BSPH1: variants seen among roughly 807,000 people sequenced by gnomAD.
BSPH1 encodes binder of sperm 1.
BSPH1 carries 21 observed loss-of-function variants against 22.5 expected under a neutral mutation model. That is an observed-to-expected ratio of 0.93 (90% CI 0.66 to 1.35). The LOEUF (loss-of-function observed/expected upper bound fraction) is 1.35, where lower values mean the gene tolerates loss of function less well. Ranked by LOEUF, BSPH1 falls within the 40% of genes most tolerant of loss-of-function variation. The probability of loss-of-function intolerance (pLI) is 0.00; values close to 1 mark genes in which losing one functional copy is unlikely to be tolerated. For missense variants in BSPH1, 141 were observed against 154.2 expected (o/e 0.91, Z 0.45); for synonymous variants, 42 against 53.6 (o/e 0.78, Z 0.95).
At chr19:47,988,775 G>A (rs576282134) in intron 1 of BSPH1, among the ~76,000 whole-genome samples, 5 of 152,030 alleles carry the variant, frequency 3.3e-5, no homozygotes, top group Admixed American at 2.0e-4. Context: ...AGTTCTCCCC[G>A]CAAGGGACCC....
intron 5 of BSPH1, among the ~76,000 whole-genome samples, chr19:47,975,649 A>ATTTTTTTTT (rs199878812): frequency 2.4e-5 from 3 of 124,924 alleles, no homozygotes; most frequent in Non-Finnish European, 5.1e-5. Context: ...AAGGTAATGC[A>ATTTTTTTTT]TTTTTTTTTT....
At chr19:47,986,562 G>A (rs916055205) in intron 1 of BSPH1, among the ~76,000 whole-genome samples, 3 of 151,890 alleles carry the variant, frequency 2.0e-5, no homozygotes, top group African/African-American at 4.8e-5. Context: ...AACATAGCAA[G>A]ACCCCATCTC....
At chr19:47,980,535 C>G (rs1432336553) in intron 2 of BSPH1, 2 of 153,002 alleles carry the variant, frequency 1.3e-5, no homozygotes, top group Non-Finnish European at 2.4e-5. Context: ...GTGGCGTGAT[C>G]TCGGCTCACT....
intron 1 of BSPH1, among the ~76,000 whole-genome samples, chr19:47,982,089 T>G (rs1156909023): frequency 6.6e-6 from 1 of 152,152 alleles, no homozygotes; most frequent in East Asian, 1.9e-4. Context: ...TAGCCCGTAA[T>G]AGATGATGCT....
At chr19:47,980,062 A>G (rs1170004073) in intron 2 of BSPH1, among the ~76,000 whole-genome samples, 1 of 152,172 alleles carries the variant, frequency 6.6e-6, no homozygotes, top group Admixed American at 6.5e-5. Flanking sequence ...GTTATTTTAT[A>G]TAGAGTTTGT....
chr19:47,972,655 G>A (rs1969320620), intron 5 of BSPH1, among the ~76,000 whole-genome samples: 1 of 152,018 alleles, frequency 6.6e-6, no homozygotes, highest in African/African-American at 2.4e-5. Context: ...AATAGAAATT[G>A]GAAATAGAAA....
intron 5 of BSPH1, among the ~76,000 whole-genome samples, chr19:47,970,221 G>C (rs948166859): frequency 4.6e-5 from 7 of 152,030 alleles, no homozygotes; most frequent in Non-Finnish European, 1.0e-4. Context: ...AACACACCCA[G>C]CTAATTTTCG....
rs921182958 is a variant in BSPH1 at position 47,990,172 on chromosome 19, C to T, written c.73+1837G>A. ...AATAAGTCCAGGAGGCAGATGCTTG[C>T]AAGGGAGAGAGAGGGAGATAGTGAA... On this transcript the variant is annotated intron_variant, in intron 1 of 5. Coordinates refer to ENST00000344839, the MANE Select transcript of BSPH1 (RefSeq NM_001128326.2). Among the ~76,000 whole-genome samples, 3 of 148,392 alleles carry T rather than the reference C, an allele frequency of 2.0e-5. No individual in the cohort carries two copies. The South Asian group carries it at 6.5e-4, about 32-fold the overall frequency.
intron 5 of BSPH1, 113 bp downstream of exon 5, chr19:47,976,588 AAAAAAAAAC>A (rs1969365468): frequency 3.0e-6 from 2 of 659,766 alleles, no homozygotes; most frequent in South Asian, 2.3e-5. Flanking sequence ...CCCAGAAAAA[AAAAAAAAAC>A]AAAAAAAAAC....
At chr19:47,986,289 A>G (rs551275614) in intron 1 of BSPH1, among the ~76,000 whole-genome samples, 1 of 152,352 alleles carries the variant, frequency 6.6e-6, no homozygotes, top group South Asian at 2.1e-4. Context: ...TTACGAATCT[A>G]GAGAATGTCA....
intron 5 of BSPH1, among the ~76,000 whole-genome samples, chr19:47,974,134 C>G (rs1277897684): frequency 2.6e-5 from 4 of 152,090 alleles, no homozygotes; most frequent in African/African-American, 7.2e-5. Context: ...GCTCTGAGCT[C>G]CTTTCCCTTT....
chr19:47,971,783 A>G (rs1969313059), intron 5 of BSPH1, among the ~76,000 whole-genome samples: 1 of 152,204 alleles, frequency 6.6e-6, no homozygotes, highest in African/African-American at 2.4e-5. Flanking sequence ...CATAGCATCC[A>G]TTCATACTAA....
chr19:47,970,145 G>A (rs1362064612), intron 5 of BSPH1, among the ~76,000 whole-genome samples: 4 of 151,984 alleles, frequency 2.6e-5, no homozygotes, highest in African/African-American at 9.7e-5. Flanking sequence ...TGCAACCTCC[G>A]CCTCCTGGGT....
chr19:47,975,370 G>C (rs1224516970), intron 5 of BSPH1, among the ~76,000 whole-genome samples: 1 of 152,026 alleles, frequency 6.6e-6, no homozygotes, highest in Non-Finnish European at 1.5e-5. Context: ...TCTGCTTACC[G>C]AACGATGCTC....
At chr19:47,970,791 G>T (rs1422816661) in intron 5 of BSPH1, among the ~76,000 whole-genome samples, 1 of 152,092 alleles carries the variant, frequency 6.6e-6, no homozygotes, top group African/African-American at 2.4e-5. Flanking sequence ...GGATACAAGC[G>T]GTCATTTTAA....
At chr19:47,978,380 A>C (rs546411278) in intron 3 of BSPH1, among the ~76,000 whole-genome samples, 62 of 152,264 alleles carry the variant, frequency 4.1e-4, no homozygotes, top group Non-Finnish European at 7.6e-4. Context: ...CTGGGATTAC[A>C]GTCATGAGCC....
intron 1 of BSPH1, among the ~76,000 whole-genome samples, chr19:47,989,782 C>G (rs1302681684): frequency 6.6e-6 from 1 of 152,112 alleles, no homozygotes; most frequent in African/African-American, 2.4e-5. Context: ...CGACCAGCAT[C>G]AAAAACTTGC....
chr19:47,969,976 T>C (rs1002657872), intron 5 of BSPH1, among the ~76,000 whole-genome samples: 1 of 110,120 alleles, frequency 9.1e-6, no homozygotes, highest in African/African-American at 2.9e-5. Context: ...GAATTTATGT[T>C]TGTGAGAGAG....
chr19:47,990,267 G>A (rs1969511477), intron 1 of BSPH1, among the ~76,000 whole-genome samples: 2 of 152,052 alleles, frequency 1.3e-5, no homozygotes, highest in African/African-American at 2.4e-5. Flanking sequence ...AACGAGCCCG[G>A]GGCCCATGAG....
Sources: allele counts gnomAD v4.1 joint callset (sites outside exome capture counted in the v4.1 genomes callset), GRCh38; gene constraint gnomAD v4.1.1; transcripts MANE v1.5; gene names NCBI Gene and HGNC (gene_info 2026-07-23, HGNC 2026-07-21).